Variants in PCDH15 observed in about 807,000 individuals in gnomAD.
PCDH15 encodes protocadherin related 15, also known as protocadherin-15.
A neutral mutation model predicts 178.5 loss-of-function variants in PCDH15; 129 were observed. The ratio of observed to expected loss-of-function variants is 0.72; its 90% CI spans 0.63 to 0.84. The LOEUF is 0.84. PCDH15 is among the 40% of genes least tolerant of loss of function. The probability of loss-of-function intolerance (pLI) is 0.00; values close to 1 mark genes in which losing one functional copy is unlikely to be tolerated. For missense variants in PCDH15, 2,230 were observed against 2,099.9 expected (o/e 1.06, Z -1.21); for synonymous variants, 800 against 732.0 (o/e 1.09, Z -1.50).
intron 6 of PCDH15, among the ~76,000 whole-genome samples, chr10:54,336,329 C>A (rs1423285356): frequency 1.3e-5 from 2 of 152,130 alleles, no homozygotes; most frequent in Non-Finnish European, 2.9e-5. Flanking sequence ...TGTTAATCAC[C>A]AAGGCATGGG....
At chr10:54,556,932 A>T (rs2087361223) in intron 2 of PCDH15, among the ~76,000 whole-genome samples, 1 of 151,926 alleles carries the variant, frequency 6.6e-6, no homozygotes, top group Admixed American at 6.6e-5. Context: ...AAAATTAATT[A>T]TTTGGCCTTC....
intron 2 of PCDH15, among the ~76,000 whole-genome samples, chr10:55,598,461 C>A (rs1161508656): frequency 7.1e-6 from 1 of 141,562 alleles, no homozygotes; most frequent in African/African-American, 2.6e-5. Flanking sequence ...CCCCGATATA[C>A]CTCACCATCT....
At chr10:55,353,398 T>G (rs1292639334) in intron 2 of PCDH15, among the ~76,000 whole-genome samples, 1 of 152,148 alleles carries the variant, frequency 6.6e-6, no homozygotes, top group Admixed American at 6.6e-5. Context: ...GAGCTAGGAT[T>G]TGAAGTCAAC....
At chr10:54,275,740 G>A (rs902002049) in intron 8 of PCDH15, among the ~76,000 whole-genome samples, 1 of 151,236 alleles carries the variant, frequency 6.6e-6, no homozygotes, top group African/African-American at 2.4e-5. Flanking sequence ...TGACAGAAAG[G>A]CTTCTTATAA....
In PCDH15 at chr10:54,530,743, A is replaced by G. The variant is rs183793385; in HGVS notation, c.92-2866T>C. ...TTTAGTAGATTCAAAATTCTCCCCA[A>G]TAAAACATTCTTTATATACTACATA... On this transcript the variant is annotated intron_variant, in intron 2 of 37. Coordinates refer to ENST00000644397, the MANE Select transcript of PCDH15 (RefSeq NM_001384140.1). 3.3e-4 allele frequency among the ~76,000 whole-genome samples: 50 copies of G among 152,294 alleles called. No individual in the cohort carries two copies. In the East Asian group the frequency reaches 5.4e-3, roughly 16 times the overall value.
chr10:55,487,097 C>A (rs1840312845), intron 2 of PCDH15, among the ~76,000 whole-genome samples: 1 of 151,662 alleles, frequency 6.6e-6, no homozygotes, highest in South Asian at 2.1e-4. Flanking sequence ...ATCCTGCTTA[C>A]TGTCATTTGA....
intron 3 of PCDH15, among the ~76,000 whole-genome samples, chr10:54,474,017 T>C (rs1040719647): frequency 6.6e-6 from 1 of 151,792 alleles, no homozygotes; most frequent in Non-Finnish European, 1.5e-5. Context: ...TTTTAAACAA[T>C]TAAAATCTAA....
At chr10:55,586,527 C>T (rs1842729709) in intron 2 of PCDH15, among the ~76,000 whole-genome samples, 1 of 151,952 alleles carries the variant, frequency 6.6e-6, no homozygotes, top group Admixed American at 6.6e-5. Context: ...GCAAAGATGC[C>T]AGGGAAATTT....
intron 8 of PCDH15, among the ~76,000 whole-genome samples, chr10:54,314,130 T>TACACACACAC (rs58949602): frequency 6.7e-6 from 1 of 149,828 alleles, no homozygotes; most frequent in East Asian, 2.0e-4. Flanking sequence ...TAATTGGAAG[T>TACACACACAC]ACACACACAC....
intron 2 of PCDH15, among the ~76,000 whole-genome samples, chr10:55,049,936 C>T (rs1372200536): frequency 6.6e-6 from 1 of 151,974 alleles, no homozygotes; most frequent in Non-Finnish European, 1.5e-5. Flanking sequence ...AACTCTATCA[C>T]TCCCTTTGAT....
intron 2 of PCDH15, among the ~76,000 whole-genome samples, chr10:54,967,484 A>G (rs910231602): frequency 3.9e-5 from 6 of 152,164 alleles, no homozygotes; most frequent in African/African-American, 1.4e-4. Context: ...TATAAATAAA[A>G]GTATAAATTA....
At chr10:55,239,704 A>C (rs1310158291) in intron 1 of PCDH15, among the ~76,000 whole-genome samples, 1 of 152,164 alleles carries the variant, frequency 6.6e-6, no homozygotes, top group African/African-American at 2.4e-5. Flanking sequence ...CATCAAGCTA[A>C]AAGCTTTTGC....
intron 23 of PCDH15, among the ~76,000 whole-genome samples, chr10:53,954,460 A>G (rs1311119240): frequency 3.9e-5 from 6 of 152,212 alleles, no homozygotes; most frequent in African/African-American, 7.2e-5. Context: ...GTATACTGAA[A>G]AACGTATGCC....
chr10:55,117,210 C>G (rs1487946725), intron 2 of PCDH15, among the ~76,000 whole-genome samples: 1 of 152,160 alleles, frequency 6.6e-6, no homozygotes, highest in African/African-American at 2.4e-5. Flanking sequence ...GAAAAGAAAT[C>G]TTCACTCCCC....
chr10:54,885,789 C>T (rs1954348390), intron 3 of PCDH15, among the ~76,000 whole-genome samples: 2 of 151,854 alleles, frequency 1.3e-5, no homozygotes, highest in Non-Finnish European at 2.9e-5. Flanking sequence ...TCTGAGAACA[C>T]AATAAAGGCC....
chr10:54,802,423 T>C (rs1168964283), upstream of PCDH15, among the ~76,000 whole-genome samples: 14 of 152,218 alleles, frequency 9.2e-5, no homozygotes, highest in Non-Finnish European at 1.0e-4. Context: ...CAGATAATTA[T>C]AGATGAACCC....
intron 14 of PCDH15, among the ~76,000 whole-genome samples, chr10:54,146,344 A>G (rs576217098): frequency 1.3e-5 from 2 of 152,096 alleles, no homozygotes; most frequent in African/African-American, 4.8e-5. Context: ...ATGTTAGCCC[A>G]TGCATCAGTC....
chr10:54,805,610 C>CT (rs1490287293), upstream of PCDH15, among the ~76,000 whole-genome samples: 5 of 152,072 alleles, frequency 3.3e-5, no homozygotes, highest in East Asian at 7.7e-4. Flanking sequence ...TCTACTTTCA[C>CT]TTTTTTTAAC....
chr10:54,226,531 T>C (rs2053469658), intron 9 of PCDH15, among the ~76,000 whole-genome samples: 1 of 152,174 alleles, frequency 6.6e-6, no homozygotes, highest in South Asian at 2.1e-4. Context: ...AGATCCCATC[T>C]CTAGGTGAGA....
Sources: gnomAD v4.1 joint callset for allele counts (sites outside exome capture counted in the v4.1 genomes callset) on GRCh38, gnomAD v4.1.1 for gene constraint, MANE v1.5 for transcripts, NCBI Gene and HGNC (gene_info 2026-07-23, HGNC 2026-07-21) for gene names.